The following ARHGAP6 variants were observed in gnomAD, a reference collection of about 807,000 sequenced individuals.
ARHGAP6 encodes the protein rho GTPase-activating protein 6.
A neutral mutation model predicts 55.7 loss-of-function variants in ARHGAP6; 16 were observed. That is an observed-to-expected ratio of 0.29 (90% CI 0.19 to 0.44). The LOEUF is 0.44. Ranked by LOEUF, ARHGAP6 falls within the 20% of genes least tolerant of loss-of-function variation. ARHGAP6 has a pLI of 1.00. For missense variants in ARHGAP6, 698 were observed against 808.9 expected, an observed-to-expected ratio of 0.86 and a Z score of 1.66; for synonymous variants, 382 against 360.9, an observed-to-expected ratio of 1.06 and a Z score of -0.66.
At chrX:11,441,645 A>G (rs974734285) in intron 1 of ARHGAP6, among the ~76,000 whole-genome samples, 4 of 111,930 alleles carry the variant, frequency 3.6e-5, no homozygotes, top group African/African-American at 1.3e-4. Flanking sequence ...TAACCCAAGC[A>G]CAGGGGCCAT....
chrX:11,249,561 C>T (rs766497213), intron 2 of ARHGAP6, among the ~76,000 whole-genome samples: 10 of 111,290 alleles, frequency 9.0e-5, no homozygotes. Context: ...TGGAGCCATG[C>T]CACTCTGAGA....
intron 1 of ARHGAP6, among the ~76,000 whole-genome samples, chrX:11,268,105 C>T (rs775832435): frequency 9.8e-5 from 11 of 112,022 alleles, no homozygotes; most frequent in African/African-American, 3.2e-4. Context: ...AGCATTCATT[C>T]CACCTTCTTC....
intron 2 of ARHGAP6, among the ~76,000 whole-genome samples, chrX:11,223,825 T>TA (rs757184425): frequency 1.2e-3 from 129 of 111,234 alleles, no homozygotes; most frequent in African/African-American, 3.3e-3. Context: ...AAATGAAAAG[T>TA]AAACTGCTGT....
intron 1 of ARHGAP6, among the ~76,000 whole-genome samples, chrX:11,483,118 A>G (rs1467930716): frequency 8.9e-6 from 1 of 111,834 alleles, no homozygotes; most frequent in Non-Finnish European, 1.9e-5. Context: ...GATATGAGGG[A>G]TAGACATATG....
chrX:11,184,373 C>T (rs979662607), intron 5 of ARHGAP6, among the ~76,000 whole-genome samples: 7 of 112,345 alleles, frequency 6.2e-5, no homozygotes, highest in African/African-American at 2.3e-4. Context: ...CAGGCGTGAG[C>T]CACGGTGCCC....
At chrX:11,392,606 T>C (rs2049422386) in intron 1 of ARHGAP6, among the ~76,000 whole-genome samples, 1 of 111,632 alleles carries the variant, frequency 9.0e-6, no homozygotes, top group Non-Finnish European at 1.9e-5. Context: ...TAGCTTAATC[T>C]CAAATTGATT....
rs2045568606 is a variant in ARHGAP6 at position 11,137,922 on chromosome X, A to G, written c.*941T>C. 2 of 112,336 alleles carry G rather than the reference A, an allele frequency of 1.8e-5. No homozygotes were observed. The highest frequency in any genetic ancestry group is 3.8e-5 in the Non-Finnish European group (2 of 53,205). The allele number at this position is 112,336 out of a possible 1,213,427, so 9.3% of individuals were successfully genotyped here. ...ATTGCATGTAATTTGGCAAATACTG[A>G]TTATGGGGCAAAGGGAAAAAACATG... On this transcript the variant is annotated 3_prime_UTR_variant, in exon 13 of 13. Coordinates refer to ENST00000337414, the MANE Select transcript of ARHGAP6 (RefSeq NM_013427.3).
In ARHGAP6 at chrX:11,609,757, G is replaced by T. The variant is rs188881467; in HGVS notation, c.588+54484C>A. ...CCTTTACAGGAGATTGTGAGGATCA[G>T]AGATAAGAAATATGAAGTGTCTGGT... On this transcript the variant is annotated intron_variant, in intron 1 of 12. Transcript: ENST00000337414. Among the ~76,000 whole-genome samples, 95 of 112,156 alleles carry T rather than the reference G, an allele frequency of 8.5e-4. No homozygotes were observed. In the Middle Eastern group the frequency reaches 0.014, roughly 16 times the overall value.
intron 1 of ARHGAP6, among the ~76,000 whole-genome samples, chrX:11,541,349 T>C (rs1454989712): frequency 9.0e-6 from 1 of 111,094 alleles, no homozygotes; most frequent in Non-Finnish European, 1.9e-5. Context: ...GTCTGGTACC[T>C]GGCCTGGGGT....
intron 1 of ARHGAP6, among the ~76,000 whole-genome samples, chrX:11,485,895 C>T (rs778429568): frequency 8.9e-6 from 1 of 112,175 alleles, no homozygotes; most frequent in African/African-American, 3.2e-5. Flanking sequence ...TTCTCTCCAA[C>T]TCATTCATAC....
chrX:11,535,114 G>A (rs1383885281), intron 1 of ARHGAP6, among the ~76,000 whole-genome samples: 1 of 111,413 alleles, frequency 9.0e-6, no homozygotes, highest in Non-Finnish European at 1.9e-5. Context: ...GAGCTGGTAG[G>A]AATAAATTAT....
intron 1 of ARHGAP6, among the ~76,000 whole-genome samples, chrX:11,336,709 A>G (rs955100866): frequency 7.5e-4 from 84 of 111,837 alleles, no homozygotes; most frequent in African/African-American, 2.6e-3. Flanking sequence ...AAAAATGGCA[A>G]TTTAAGATGT....
intron 1 of ARHGAP6, among the ~76,000 whole-genome samples, chrX:11,308,694 T>C (rs939541344): frequency 8.9e-6 from 1 of 112,010 alleles, no homozygotes; most frequent in Non-Finnish European, 1.9e-5. Context: ...TGGCAATGCC[T>C]GATTCACTCT....
chrX:11,273,719 A>G (rs1458495178), intron 1 of ARHGAP6, among the ~76,000 whole-genome samples: 5 of 110,849 alleles, frequency 4.5e-5, no homozygotes, highest in Non-Finnish European at 9.5e-5. Context: ...ATTTGTAGTC[A>G]CCACAACTAC....
At chrX:11,546,230 C>A (rs1331484067) in intron 1 of ARHGAP6, among the ~76,000 whole-genome samples, 1 of 110,734 alleles carries the variant, frequency 9.0e-6, no homozygotes, top group Non-Finnish European at 1.9e-5. Context: ...TAATGCCTGG[C>A]GCTTATTGGC....
intron 1 of ARHGAP6, among the ~76,000 whole-genome samples, chrX:11,534,140 A>C (rs1246467117): frequency 9.0e-6 from 1 of 111,596 alleles, no homozygotes; most frequent in Non-Finnish European, 1.9e-5. Context: ...TGGGCGATAA[A>C]GCCCATAAGC....
chrX:11,563,339 T>A (rs2051408580), intron 1 of ARHGAP6, among the ~76,000 whole-genome samples: 1 of 84,054 alleles, frequency 1.2e-5, no homozygotes, highest in Non-Finnish European at 2.2e-5. Context: ...TAATCCAATT[T>A]AATAATAATA....
intron 2 of ARHGAP6, among the ~76,000 whole-genome samples, chrX:11,247,983 C>T (rs2047374370): frequency 8.9e-6 from 1 of 111,875 alleles, no homozygotes. Context: ...TTCCTGATTT[C>T]AACCACTAAA....
intron 8 of ARHGAP6, among the ~76,000 whole-genome samples, chrX:11,175,935 T>C (rs1175168850): frequency 9.2e-6 from 1 of 108,179 alleles, no homozygotes; most frequent in Non-Finnish European, 1.9e-5. Flanking sequence ...CAGCTTGGAC[T>C]TTGCTAGTAA....
Sources: allele counts gnomAD v4.1 joint callset (sites outside exome capture counted in the v4.1 genomes callset), GRCh38; gene constraint gnomAD v4.1.1; transcripts MANE v1.5; gene names NCBI Gene and HGNC (gene_info 2026-07-23, HGNC 2026-07-21).